The following APOB variants were observed in gnomAD, a reference collection of about 807,000 sequenced individuals.
The protein encoded by APOB is apolipoprotein B-100.
In APOB, 153 loss-of-function variants were observed where a neutral mutation model predicts 314.1. That is an observed-to-expected ratio of 0.49 (90% CI 0.43 to 0.56). APOB has a LOEUF of 0.56. Among genes scored for constraint, APOB ranks in the 20% least tolerant of loss-of-function variants. The pLI, the probability that APOB is intolerant of heterozygous loss-of-function variation, is 0.00. For synonymous variants in APOB, 2,087 were observed against 2,036.4 expected, an observed-to-expected ratio of 1.02 and a Z score of -0.67; for missense variants, 5,430 against 5,350.7, an observed-to-expected ratio of 1.01 and a Z score of -0.46.
Position 21,011,053 on chromosome 2 carries a change from C to T in APOB, c.5815G>A (p.Ala1939Thr). ...SKFLLKAEPL[A>T]FTFSHDYKGS... Reference sequence around the variant, plus strand: ...TTGTAATCATGAGAGAAAGTAAATGCCAGAGGTTCTGCTTTCAACAGGAAT... The same window carrying T: ...TTGTAATCATGAGAGAAAGTAAATGTCAGAGGTTCTGCTTTCAACAGGAAT... The change falls in exon 26 of 29, where the codon GCA becomes ACA. Residue 1939 changes from alanine to threonine, a missense_variant. This residue lies in a region of APOB where 3,281 missense variants were observed against 3,171.0 expected (regional missense o/e 1.03). Coordinates refer to ENST00000233242, the MANE Select transcript of APOB (RefSeq NM_000384.3). The T allele has an allele frequency of 6.2e-7, 1 of 1,614,138 alleles. No individual in the cohort carries two copies. The highest frequency in any genetic ancestry group is 1.7e-4 in the Middle Eastern group (1 of 6,060).
chr2:21,020,657 T>C (rs1481268703), intron 18 of APOB, among the ~76,000 whole-genome samples: 1 of 152,234 alleles, frequency 6.6e-6, no homozygotes, highest in Non-Finnish European at 1.5e-5. Context: ...CTTAAAAACT[T>C]AGTACATGTA....
At position 21,003,296 on chromosome 2, in the gene APOB, C is replaced by G; in HGVS notation, c.12126G>C (p.Glu4042Asp). The G allele has an allele frequency of 6.2e-7, 1 of 1,613,496 alleles. No homozygotes were observed. Among genetic ancestry groups the G allele is most frequent in the South Asian group, 1.1e-5 (1 of 91,058 alleles). Reference protein sequence around the residue: ...PDKKLTIFKTELRVRESDEET... With the variant: ...PDKKLTIFKTDLRVRESDEET... The stretch of plus-strand genomic sequence containing the variant: ...CCTCATCAGATTCCCGGACCCTCAA[C>G]TCAGTTTTGAATATGGTGAGTTTTT... Residue 4042 changes from glutamate (E) to aspartate (D), a missense_variant, in exon 29 of 29, where the codon GAG (glutamate) becomes GAC (aspartate). Transcript: ENST00000233242.
intron 15 of APOB, 137 bp downstream of exon 15, chr2:21,026,651 C>G (rs772620036): frequency 5.3e-6 from 4 of 756,280 alleles, no homozygotes; most frequent in Non-Finnish European, 9.3e-6. Context: ...GGCCCTTACC[C>G]CAGCAGGTCT....
Position 21,010,103 on chromosome 2 carries a change from C to T in APOB, c.6765G>A (p.Lys2255=), listed in dbSNP as rs372343882. Residue 2255 remains lysine, a synonymous_variant, in exon 26 of 29, where the codon AAG becomes AAA. Transcript: ENST00000233242. ...CTTGTATCTGGATTCTGATTTGGTA[C>T]TTAGTATCCACATTTTGAATCCAGG... ...TASWIQNVDT[K]YQIRIQIQEK... 809 of 1,612,860 alleles carry T rather than the reference C, an allele frequency of 5.0e-4. 12 individuals are homozygous for T. In the South Asian group the frequency reaches 8.3e-3, roughly 17 times the overall value.
chr2:21,003,113 C>T lies in APOB; in HGVS notation c.12309G>A (p.Lys4103=), dbSNP rs574791609. 1.3e-5 allele frequency: 21 copies of T among 1,603,286 alleles called. No individual in the cohort carries two copies. Among genetic ancestry groups the T allele is most frequent in the Non-Finnish European group, 2.6e-6 (3 of 1,173,686 alleles). Residue 4103 remains lysine, a synonymous_variant, in exon 29 of 29, where the codon AAG becomes AAA. Coordinates refer to ENST00000233242, the MANE Select transcript of APOB (RefSeq NM_000384.3). The part of the protein sequence containing the change: ...TGLTLREVSS[K]LRRNLQNNAE... Reference sequence around the variant, plus strand: ...CATTGTTCTGCAGATTTCTTCTCAGCTTTGAAGACACTTCTCTCAGGGTGA... The same window carrying T: ...CATTGTTCTGCAGATTTCTTCTCAGTTTTGAAGACACTTCTCTCAGGGTGA...
Position 21,004,354 on chromosome 2 carries a change from G to A in APOB, c.12002C>T (p.Ala4001Val), listed in dbSNP as rs1245612453. The change falls in exon 28 of 29, where the codon GCA (alanine) becomes GTA (valine). Residue 4001 changes from alanine to valine, a missense_variant. By Grantham distance (64) the Ala-to-Val change is moderately conservative. Coordinates refer to ENST00000233242, the MANE Select transcript of APOB (RefSeq NM_000384.3). ...CACGGTGCCTACGGCTGGGGAGGCT[G>A]CTGAGGTGGAGATGCCTTTCTTGTC... ...QKDKKGISTS[A>V]ASPAVGTVGM... 3 of 1,613,814 alleles carry A rather than the reference G, an allele frequency of 1.9e-6. No individual in the cohort carries two copies. Among genetic ancestry groups the A allele is most frequent in the Non-Finnish European group, 2.5e-6 (3 of 1,179,906 alleles).
rs751167466 is a variant in APOB at position 21,010,072 on chromosome 2, G to A, written c.6796C>T (p.Leu2266=). 6.2e-7 allele frequency: 1 copy of A among 1,613,470 alleles called. No homozygotes were observed. Among genetic ancestry groups the A allele is most frequent in the South Asian group, 1.1e-5 (1 of 91,066 alleles). The change falls in exon 26 of 29, where the codon CTG becomes TTG. Residue 2266 remains leucine (L), a synonymous_variant. Coordinates refer to ENST00000233242, the MANE Select transcript of APOB (RefSeq NM_000384.3). ...YQIRIQIQEK[L]QQLKRHIQNI... is the part of the protein sequence containing the mutation. ...TGTATGTGTCTCTTAAGCTGCTGCA[G>A]TTTTTCTTGTATCTGGATTCTGATT...
At chr2:21,040,485 G>A (rs562375034) in intron 4 of APOB, among the ~76,000 whole-genome samples, 151 of 152,268 alleles carry the variant, frequency 9.9e-4, no homozygotes, top group African/African-American at 2.7e-3. Flanking sequence ...GCCGATCAGC[G>A]TGCAGTGGCT....
intron 20 of APOB, among the ~76,000 whole-genome samples, chr2:21,017,593 A>G (rs1041603220): frequency 9.9e-5 from 15 of 152,070 alleles, no homozygotes; most frequent in African/African-American, 3.4e-4. Flanking sequence ...TGTTTGTGGA[A>G]CAGCAAAGGC....
rs772785764 is a variant in APOB at position 21,033,405 on chromosome 2, G to T, written c.1018C>A (p.Gln340Lys). The change falls in exon 9 of 29, where the codon CAA (glutamine) becomes AAA (lysine). Residue 340 changes from glutamine to lysine, a missense_variant. Physicochemically the swap from Gln to Lys is moderately conservative, Grantham distance 53 (BLOSUM62 1). This residue lies in a region of APOB where 2,085 missense variants were observed against 2,079.7 expected (regional missense o/e 1.00). Coordinates refer to ENST00000233242, the MANE Select transcript of APOB (RefSeq NM_000384.3). ...QELKKLTISE[Q>K]NIQRANLFNK... is the part of the protein sequence containing the mutation. ...AAGAGATTAGCTCTCTGGATATTTT[G>T]CTCAGAGATGGTTAGTTTTTTCAGT... The T allele has an allele frequency of 2.5e-6, 4 of 1,613,938 alleles. No homozygotes were observed. The highest frequency in any genetic ancestry group is 1.3e-5 in the African/African-American group (1 of 74,924).
intron 20 of APOB, 44 bp from the exon 21 acceptor site, chr2:21,016,693 C>T (rs768419372): frequency 2.9e-6 from 4 of 1,382,568 alleles, no homozygotes; most frequent in African/African-American, 2.8e-5. Context: ...TGGTAAGAAG[C>T]TATGTTTTGG....
In APOB at chr2:21,019,043, T is replaced by C. The variant is rs1184276566; in HGVS notation, c.3070A>G (p.Arg1024Gly). The C allele has an allele frequency of 1.9e-6, 3 of 1,613,998 alleles. No individual in the cohort carries two copies. The highest frequency in any genetic ancestry group is 1.7e-6 in the Non-Finnish European group (2 of 1,180,040). ...GTATCCACCAAGGCTCTGTCCTCTC[T>C]CTGGAGCTCATAGGTTGCGCTGACA... ...YSVSATYELQ[R>G]EDRALVDTLK... is the part of the protein sequence containing the mutation. Residue 1024 changes from arginine to glycine, a missense_variant, in exon 20 of 29, where the codon AGA becomes GGA. Coordinates refer to ENST00000233242, the MANE Select transcript of APOB (RefSeq NM_000384.3).
chr2:21,028,270 G>A, intron 13 of APOB, 57 bp downstream of exon 13: 1 of 1,470,156 alleles, frequency 6.8e-7, no homozygotes, highest in Non-Finnish European at 9.5e-7. Flanking sequence ...AAAACCTAGG[G>A]TTGGAATTCC....
In APOB at chr2:21,005,107, C is replaced by T. The variant is rs72654409; in HGVS notation, c.11761G>A (p.Val3921Ile). The T allele has an allele frequency of 6.3e-4, 1,014 of 1,613,868 alleles. 6 individuals are homozygous for T. In the African/African-American group the frequency reaches 7.8e-3, roughly 12 times the overall value. The change falls in exon 26 of 29, where the codon GTA becomes ATA. Residue 3921 changes from valine to isoleucine, a missense_variant. Coordinates refer to ENST00000233242, the MANE Select transcript of APOB (RefSeq NM_000384.3). ...TTTAGTTCATATTCTAGGAACTGTA[C>T]GGTTGAGCTGCATGTGGAATCCAGG... ...TVLDSTCSSTVQFLEYELNVL... is the reference protein window; with the variant it reads ...TVLDSTCSSTIQFLEYELNVL...
chr2:21,001,856 G>A lies in APOB; in HGVS notation c.13566C>T (p.Asp4522=), dbSNP rs371437581. Residue 4522 remains aspartate (D), a synonymous_variant, in exon 29 of 29, where the codon GAC becomes GAT. Coordinates refer to ENST00000233242, the MANE Select transcript of APOB (RefSeq NM_000384.3). ...ATGTGTGGTAGTTTTGAATGGACAG[G>A]TCAATCAATCTTTTGGATTCAGCAA... ...KFIAESKRLI[D]LSIQNYHTFL... The A allele has an allele frequency of 2.6e-5, 42 of 1,613,904 alleles. No homozygotes were observed. The highest frequency in any genetic ancestry group is 3.6e-5 in the Non-Finnish European group (42 of 1,179,976).
In APOB at chr2:21,043,743, C is replaced by A. The variant is rs574683958; in HGVS notation, c.82+121G>T. On this transcript the variant is annotated intron_variant, in intron 1 of 28. Coordinates refer to ENST00000233242, the MANE Select transcript of APOB (RefSeq NM_000384.3). ...GGGGCCGCCAGCTGGTCCAATCCCC[C>A]CACTCGCCCTGGACCCTGTGGCTGC... is the stretch of plus-strand genomic sequence containing the variant. 2.0e-6 allele frequency: 3 copies of A among 1,510,450 alleles called. No homozygotes were observed. The African/African-American group carries it at 4.1e-5, about 21-fold the overall frequency. The allele number at this position is 1,510,450 out of a possible 1,614,324, so 93.6% of individuals were successfully genotyped here. A position where few individuals can be genotyped will look rare whatever the true frequency, so the allele number is the denominator to read the frequency against.
In APOB at chr2:21,037,385, C is replaced by A. The variant is rs1572801751; in HGVS notation, c.538-130G>T. ...TAGCTTTGGGAGGGACTTTCTTTTT[C>A]TTCCTATGCAGAGTGTGGTCTTGCT... On this transcript the variant is annotated intron_variant, in intron 5 of 28. Transcript: ENST00000233242. 3 of 1,039,468 alleles carry A rather than the reference C, an allele frequency of 2.9e-6. No individual in the cohort carries two copies. The East Asian group carries it at 7.8e-5, about 27-fold the overall frequency. The allele number at this position is 1,039,468 out of a possible 1,614,324, so 64.4% of individuals were successfully genotyped here. A position where few individuals can be genotyped will look rare whatever the true frequency, so the allele number is the denominator to read the frequency against.
intron 5 of APOB, among the ~76,000 whole-genome samples, chr2:21,037,747 C>T (rs1664042150): frequency 6.6e-6 from 1 of 152,164 alleles, no homozygotes; most frequent in East Asian, 1.9e-4. Context: ...TAAAATTAGA[C>T]CCAACCTGAT....
chr2:21,004,555 C>T lies in APOB; in HGVS notation c.11903+6G>A. On this transcript the variant is annotated splice_donor_region_variant and intron_variant, in intron 27 of 28. Coordinates refer to ENST00000233242, the MANE Select transcript of APOB (RefSeq NM_000384.3). ...ATAAGGTTTCAATTCAATAAAAGCTCCATACTGAAGTCCTTCATATTTGCC... is the reference window on the plus strand; with the variant it reads ...ATAAGGTTTCAATTCAATAAAAGCTTCATACTGAAGTCCTTCATATTTGCC... 1 of 1,613,044 alleles carries T rather than the reference C, an allele frequency of 6.2e-7. No individual in the cohort carries two copies. Among genetic ancestry groups the T allele is most frequent in the Non-Finnish European group, 8.5e-7 (1 of 1,179,066 alleles).
Sources: allele counts gnomAD v4.1 joint callset (sites outside exome capture counted in the v4.1 genomes callset), GRCh38; gene constraint gnomAD v4.1.1; regional missense constraint gnomAD v4.1.1; transcripts MANE v1.5; gene names NCBI Gene and HGNC (gene_info 2026-07-23, HGNC 2026-07-21).